Variants in RPS6KA2 observed in about 807,000 individuals in gnomAD.
RPS6KA2 encodes ribosomal protein S6 kinase A2.
RPS6KA2 carries 42 observed loss-of-function variants against 91.8 expected under a neutral mutation model. The observed-to-expected ratio is 0.46, with a 90% CI of 0.36 to 0.59. The LOEUF (loss-of-function observed/expected upper bound fraction) is 0.59, where lower values mean the gene tolerates loss of function less well. Among genes scored for constraint, RPS6KA2 ranks in the 20% least tolerant of loss-of-function variants. The probability of loss-of-function intolerance (pLI) is 0.00; values close to 1 mark genes in which losing one functional copy is unlikely to be tolerated. For missense variants in RPS6KA2, 798 were observed against 978.5 expected (o/e 0.82, Z 2.46); for synonymous variants, 414 against 393.6 (o/e 1.05, Z -0.61).
At chr6:166,773,724 C>T (rs1462490032) in intron 2 of RPS6KA2, among the ~76,000 whole-genome samples, 3 of 152,190 alleles carry the variant, frequency 2.0e-5, no homozygotes, top group Admixed American at 6.5e-5. Context: ...TCCCCTTCCT[C>T]GTCTGTCCAT....
chr6:166,428,151 T>C (rs1463270587), intron 16 of RPS6KA2, among the ~76,000 whole-genome samples: 1 of 151,858 alleles, frequency 6.6e-6, no homozygotes, highest in South Asian at 2.1e-4. Context: ...ATAACGCCGC[T>C]TATCTACAAC....
At chr6:166,837,632 C>T (rs1312380940) in intron 2 of RPS6KA2, among the ~76,000 whole-genome samples, 3 of 152,168 alleles carry the variant, frequency 2.0e-5, no homozygotes, top group Non-Finnish European at 4.4e-5. Context: ...TGGTGCTGGG[C>T]CCACACCCAG....
chr6:166,757,480 A>G (rs779225940), intron 2 of RPS6KA2: 1 of 455,388 alleles, frequency 2.2e-6, no homozygotes, highest in South Asian at 1.6e-5. Context: ...GTAAATAAAA[A>G]CTGCCAAGCT....
chr6:166,860,273 A>G (rs71571461), intron 1 of RPS6KA2, among the ~76,000 whole-genome samples: 21,270 of 152,204 alleles, frequency 0.14, 1,711 homozygotes, highest in Non-Finnish European at 0.17. Context: ...CTCTCCTGAA[A>G]AAATTCAGCT....
chr6:166,554,794 T>C lies in RPS6KA2; in HGVS notation c.100-16010A>G, dbSNP rs535443461. On this transcript the variant is annotated intron_variant, in intron 1 of 20. Coordinates refer to ENST00000265678, the MANE Select transcript of RPS6KA2 (RefSeq NM_021135.6). This position sits in a 1 kb window ranked among gnomAD's most constrained non-coding sequence, Gnocchi z 4.3. Reference sequence around the variant, plus strand: ...CTTATGATGAGAATTCTGATGTCAATGTGAGGAGACACTGCCCAGACCAGC... The same window carrying C: ...CTTATGATGAGAATTCTGATGTCAACGTGAGGAGACACTGCCCAGACCAGC... 6.6e-6 allele frequency among the ~76,000 whole-genome samples: 1 copy of C among 152,216 alleles called. No homozygotes were observed. The highest frequency in any genetic ancestry group is 1.5e-5 in the Non-Finnish European group (1 of 68,048).
intron 1 of RPS6KA2, among the ~76,000 whole-genome samples, chr6:166,539,539 A>G (rs1337191200): frequency 6.6e-6 from 1 of 152,210 alleles, no homozygotes; most frequent in African/African-American, 2.4e-5. Flanking sequence ...ATGTTTGTCA[A>G]AGCTAATGTA....
chr6:166,567,376 C>T (rs1253699559), intron 1 of RPS6KA2, among the ~76,000 whole-genome samples: 1 of 152,164 alleles, frequency 6.6e-6, no homozygotes, highest in Non-Finnish European at 1.5e-5. Flanking sequence ...AATAGGGAGA[C>T]AGTAACCCAG....
chr6:166,753,012 T>C (rs1331792903), intron 2 of RPS6KA2, among the ~76,000 whole-genome samples: 6 of 152,250 alleles, frequency 3.9e-5, no homozygotes, highest in Admixed American at 3.9e-4. Flanking sequence ...GTTTAGTCAC[T>C]GCAGAGGGCA....
At chr6:166,472,126 T>G (rs1780795059) in intron 10 of RPS6KA2, among the ~76,000 whole-genome samples, 1 of 152,172 alleles carries the variant, frequency 6.6e-6, no homozygotes, top group African/African-American at 2.4e-5. Context: ...TCTCCTCTAC[T>G]CTTTTGTTTG....
intron 1 of RPS6KA2, among the ~76,000 whole-genome samples, chr6:166,597,219 G>T (rs902780284): frequency 3.3e-5 from 5 of 152,242 alleles, no homozygotes; most frequent in African/African-American, 1.2e-4. Flanking sequence ...TAAGTCGAAA[G>T]AATGGAGTCT....
intron 2 of RPS6KA2, among the ~76,000 whole-genome samples, chr6:166,687,876 GC>G (rs1789074213): frequency 6.6e-6 from 1 of 152,198 alleles, no homozygotes; most frequent in South Asian, 2.1e-4. Context: ...ATGCTTCTAA[GC>G]CCCCTGCGGT....
intron 1 of RPS6KA2, among the ~76,000 whole-genome samples, chr6:166,610,256 C>G (rs1256074369): frequency 6.6e-6 from 1 of 152,220 alleles, no homozygotes; most frequent in Non-Finnish European, 1.5e-5. Context: ...CCTGAGCAGC[C>G]TGGCAGTAGC....
intron 1 of RPS6KA2, among the ~76,000 whole-genome samples, chr6:166,579,567 C>G (rs757265935): frequency 6.6e-6 from 1 of 152,088 alleles, no homozygotes; most frequent in Non-Finnish European, 1.5e-5. Context: ...TTTCCAAGCA[C>G]AAAATTGTTT....
chr6:166,682,180 A>G (rs771680334), intron 2 of RPS6KA2, among the ~76,000 whole-genome samples: 1 of 152,220 alleles, frequency 6.6e-6, no homozygotes, highest in Non-Finnish European at 1.5e-5. Flanking sequence ...AGGCAATAAA[A>G]TGTACCAGCT....
chr6:166,683,814 A>C (rs1009085997), intron 2 of RPS6KA2, among the ~76,000 whole-genome samples: 3 of 152,244 alleles, frequency 2.0e-5, no homozygotes, highest in African/African-American at 7.2e-5. Context: ...TGAGGCTGGG[A>C]CAGCCTGGAG....
At chr6:166,516,468 G>A (rs3799665) in intron 3 of RPS6KA2, among the ~76,000 whole-genome samples, 2 of 152,106 alleles carry the variant, frequency 1.3e-5, no homozygotes, top group South Asian at 4.2e-4. Flanking sequence ...GGAGGGGTGG[G>A]GACACTGCCC....
intron 2 of RPS6KA2, among the ~76,000 whole-genome samples, chr6:166,800,439 C>T (rs4710103): frequency 0.06 from 9,088 of 152,216 alleles, 662 homozygotes; most frequent in East Asian, 0.39. Flanking sequence ...GGAACACAAA[C>T]GTCAGCATGA....
intron 10 of RPS6KA2, among the ~76,000 whole-genome samples, chr6:166,478,701 T>C (rs7771460): frequency 0.27 from 41,430 of 152,114 alleles, 8,299 homozygotes; most frequent in African/African-American, 0.57. Context: ...GAAAGAAAAG[T>C]GTCAGATGAG....
chr6:166,573,990 A>G (rs765184897), intron 1 of RPS6KA2, among the ~76,000 whole-genome samples: 1 of 152,074 alleles, frequency 6.6e-6, no homozygotes, highest in Non-Finnish European at 1.5e-5. Flanking sequence ...CAGTCCTAAC[A>G]GCTCACAATA....
Sources: allele counts gnomAD v4.1 joint callset (sites outside exome capture counted in the v4.1 genomes callset), GRCh38; gene constraint gnomAD v4.1.1; non-coding constraint Gnocchi (gnomAD v3.1); transcripts MANE v1.5; gene names NCBI Gene and HGNC (gene_info 2026-07-23, HGNC 2026-07-21).